Variants in MYCBP2 observed in about 807,000 individuals in gnomAD.
MYCBP2 encodes the protein MYC binding protein 2, also known as E3 ubiquitin-protein ligase MYCBP2.
Under a neutral mutation model 525.3 loss-of-function variants are expected in MYCBP2, and 120 were observed. The ratio of observed to expected loss-of-function variants is 0.23; its 90% confidence interval spans 0.20 to 0.27. MYCBP2 has a LOEUF of 0.27. MYCBP2 is among the 10% of genes least tolerant of loss of function. The pLI is 1.00. For synonymous variants in MYCBP2, 1,894 were observed against 1,955.8 expected, an observed-to-expected ratio of 0.97 and a Z score of 0.83; for missense variants, 4,149 against 5,657.1, an observed-to-expected ratio of 0.73 and a Z score of 8.55.
chr13:77,139,142 T>C, intron 52 of MYCBP2, 54 bp downstream of exon 52: 1 of 1,563,418 alleles, frequency 6.4e-7, no homozygotes, highest in Non-Finnish European at 8.7e-7. Flanking sequence ...AAGAAAGCTC[T>C]GTAAAACAAA....
At chr13:77,181,210 A>G (rs1390819505) in intron 33 of MYCBP2, among the ~76,000 whole-genome samples, 1 of 152,188 alleles carries the variant, frequency 6.6e-6, no homozygotes, top group Non-Finnish European at 1.5e-5. Flanking sequence ...AAGATGATTA[A>G]TTTAGCTGAT....
chr13:77,297,619 T>C (rs754607774), intron 1 of MYCBP2, among the ~76,000 whole-genome samples: 1 of 152,142 alleles, frequency 6.6e-6, no homozygotes, highest in Non-Finnish European at 1.5e-5. Flanking sequence ...AATGTCACTC[T>C]TAAAAATAGA....
Position 77,162,994 on chromosome 13 carries a change from C to A in MYCBP2, c.6548-1039G>T, listed in dbSNP as rs146644162. 3.1e-4 allele frequency among the ~76,000 whole-genome samples: 47 copies of A among 152,258 alleles called. No individual in the cohort carries two copies. In the East Asian group the frequency reaches 6.7e-3, roughly 22 times the overall value. On this transcript the variant is annotated intron_variant, in intron 43 of 82. Transcript: ENST00000544440. ...TATGCAAAAATGGGACCTTCTTCTGCAACTTGCTTTTCTCAATATAATTTG... is the reference window on the plus strand; with the variant it reads ...TATGCAAAAATGGGACCTTCTTCTGAAACTTGCTTTTCTCAATATAATTTG...
rs3832881 is a variant in MYCBP2 at position 77,166,313 on chromosome 13, G to GAA, written c.6340+14_6340+15dup. ...ACTTATTTTACCACATAAAACAGAA[G>GAA]AAAAAAAAAACTTACCTGGCAACAC... On this transcript the variant is annotated intron_variant, in intron 41 of 82. Transcript: ENST00000544440. 36 of 1,392,494 alleles carry GAA rather than the reference G, an allele frequency of 2.6e-5. No homozygotes were observed. Among genetic ancestry groups the GAA allele is most frequent in the Admixed American group, 4.2e-5 (2 of 47,280 alleles). The allele number at this position is 1,392,494 out of a possible 1,614,324, so 86.3% of individuals were successfully genotyped here. A position where few individuals can be genotyped will look rare whatever the true frequency, so the allele number is the denominator to read the frequency against.
chr13:77,116,522 A>G (rs2049807947), intron 55 of MYCBP2, among the ~76,000 whole-genome samples: 1 of 152,022 alleles, frequency 6.6e-6, no homozygotes, highest in African/African-American at 2.4e-5. Context: ...AAAGATTAAG[A>G]CTTCCATTTT....
chr13:77,224,365 T>C (rs1480151523), intron 20 of MYCBP2, 86 bp downstream of exon 20: 3 of 849,856 alleles, frequency 3.5e-6, no homozygotes, highest in Non-Finnish European at 5.7e-6. Flanking sequence ...AATATATACT[T>C]AAAAAGAGAA....
chr13:77,304,545 G>T (rs186398090), intron 1 of MYCBP2, among the ~76,000 whole-genome samples: 2 of 152,110 alleles, frequency 1.3e-5, no homozygotes, highest in Admixed American at 1.3e-4. Flanking sequence ...AGCACCACAG[G>T]GTGACTATCA....
chr13:77,096,186 C>T, intron 57 of MYCBP2, 126 bp downstream of exon 57: 3 of 980,068 alleles, frequency 3.1e-6, no homozygotes, highest in Non-Finnish European at 4.3e-6. Flanking sequence ...ATATGATTTC[C>T]ATTATAAAAG....
chr13:77,099,061 A>G, intron 55 of MYCBP2, 48 bp from the exon 56 acceptor site: 1 of 1,582,104 alleles, frequency 6.3e-7, no homozygotes, highest in African/African-American at 1.4e-5. Flanking sequence ...ATTATAACTT[A>G]CTGATAATTT....
At chr13:77,062,528 T>C in intron 74 of MYCBP2, 68 bp downstream of exon 74, 1 of 1,357,706 alleles carries the variant, frequency 7.4e-7, no homozygotes, top group Non-Finnish European at 1.0e-6. Context: ...TGTTTGTTTG[T>C]TTTTAAGCTA....
chr13:77,227,111 T>C (rs376387854), intron 18 of MYCBP2, among the ~76,000 whole-genome samples: 8 of 152,086 alleles, frequency 5.3e-5, no homozygotes, highest in African/African-American at 1.9e-4. Context: ...AGCCCTTGGT[T>C]TGAAAAGCTA....
At position 77,230,407 on chromosome 13, in the gene MYCBP2, T is replaced by C. The variant is rs191598423; in HGVS notation, c.2737+2749A>G. Among the ~76,000 whole-genome samples, 14 of 152,266 alleles carry C rather than the reference T, an allele frequency of 9.2e-5. No individual in the cohort carries two copies. In the East Asian group the frequency reaches 2.3e-3, roughly 25 times the overall value. The stretch of plus-strand genomic sequence containing the variant: ...GGTAAGGTGAAGAGAAAAATATATG[T>C]AGAAAAAATACTTATTAAAAGACTG... On this transcript the variant is annotated intron_variant, in intron 18 of 82. Coordinates refer to ENST00000544440, the MANE Select transcript of MYCBP2 (RefSeq NM_015057.5).
At chr13:77,062,374 T>C (rs1345325026) in intron 74 of MYCBP2, among the ~76,000 whole-genome samples, 1 of 152,192 alleles carries the variant, frequency 6.6e-6, no homozygotes, top group African/African-American at 2.4e-5. Context: ...GAAAGCTCTT[T>C]AATATACTTA....
Position 77,326,727 on chromosome 13 carries a change from G to T in MYCBP2, c.49C>A (p.Leu17Ile). The change falls in exon 1 of 83, where the codon CTC becomes ATC. Residue 17 changes from leucine (L) to isoleucine (I), a missense_variant. Coordinates refer to ENST00000544440, the MANE Select transcript of MYCBP2 (RefSeq NM_015057.5). This position sits in a 1 kb window ranked among gnomAD's most constrained non-coding sequence, Gnocchi z 4.2. ...GCTGGGTAGAATCCGTCCCCGCCGA[G>T]CCCCGAGGAGGCGGCGGCGGGGGAG... ...TASPAAASSG[L>I]GGDGFYPAAT... 7.1e-7 allele frequency: 1 copy of T among 1,410,320 alleles called. No homozygotes were observed. The allele number at this position is 1,410,320 out of a possible 1,614,324, so 87.4% of individuals were successfully genotyped here.
intron 47 of MYCBP2, among the ~76,000 whole-genome samples, chr13:77,146,463 G>A (rs1299505759): frequency 6.6e-6 from 1 of 150,948 alleles, no homozygotes; most frequent in Non-Finnish European, 1.5e-5. Flanking sequence ...CATCTTTTGA[G>A]TACATTAAAA....
chr13:77,209,245 A>G (rs1036203450), intron 23 of MYCBP2, among the ~76,000 whole-genome samples: 1 of 152,196 alleles, frequency 6.6e-6, no homozygotes, highest in African/African-American at 2.4e-5. Context: ...TGAACATCAT[A>G]CTTGAGAGTT....
chr13:77,141,609 A>G (rs1191432926), intron 49 of MYCBP2, among the ~76,000 whole-genome samples: 5 of 152,088 alleles, frequency 3.3e-5, no homozygotes. Flanking sequence ...CATCTCTACT[A>G]AAAATACAAA....
chr13:77,082,783 G>A (rs776234557), intron 63 of MYCBP2, among the ~76,000 whole-genome samples: 7 of 152,092 alleles, frequency 4.6e-5, no homozygotes, highest in Non-Finnish European at 7.4e-5. Flanking sequence ...GAAAGTGAGG[G>A]AGATTGCTAC....
intron 17 of MYCBP2, among the ~76,000 whole-genome samples, chr13:77,234,334 A>C (rs1458632380): frequency 6.6e-6 from 1 of 151,956 alleles, no homozygotes; most frequent in Non-Finnish European, 1.5e-5. Flanking sequence ...TTTTTATTTA[A>C]AACAAGTTTT....
Sources: allele counts gnomAD v4.1 joint callset (sites outside exome capture counted in the v4.1 genomes callset), GRCh38; gene constraint gnomAD v4.1.1; non-coding constraint Gnocchi (gnomAD v3.1); transcripts MANE v1.5; gene names NCBI Gene and HGNC (gene_info 2026-07-23, HGNC 2026-07-21).